The following PRMT8 variants were observed in gnomAD, a reference collection of about 807,000 sequenced individuals.
The protein encoded by PRMT8 is protein arginine N-methyltransferase 8.
A neutral mutation model predicts 47.1 loss-of-function variants in PRMT8; 7 were observed. That is an observed-to-expected ratio of 0.15 (90% CI 0.08 to 0.28). PRMT8 has a LOEUF of 0.28. PRMT8 is among the 10% of genes least tolerant of loss of function. The pLI is 1.00. For missense variants in PRMT8, 237 were observed against 505.4 expected (o/e 0.47, Z 5.09); for synonymous variants, 188 against 186.5 (o/e 1.01, Z -0.07).
At chr12:3,408,424 A>T (rs1311880681) in intron 1 of PRMT8, among the ~76,000 whole-genome samples, 1 of 152,082 alleles carries the variant, frequency 6.6e-6, no homozygotes, top group Non-Finnish European at 1.5e-5. Context: ...TTTTGTAGAA[A>T]TGAGACTTCC....
At chr12:3,396,943 C>T (rs1473934877) in intron 1 of PRMT8, among the ~76,000 whole-genome samples, 1 of 152,016 alleles carries the variant, frequency 6.6e-6, no homozygotes, top group Non-Finnish European at 1.5e-5. Context: ...AACTTCCCTT[C>T]TCACTTCATT....
At chr12:3,523,795 T>G (rs1240430654) in intron 1 of PRMT8, among the ~76,000 whole-genome samples, 11 of 152,216 alleles carry the variant, frequency 7.2e-5, no homozygotes, top group African/African-American at 2.7e-4. Context: ...CTATCATTGC[T>G]CTTTCCTGCC....
At chr12:3,411,686 G>T (rs1401542799) in intron 1 of PRMT8, among the ~76,000 whole-genome samples, 1 of 152,156 alleles carries the variant, frequency 6.6e-6, no homozygotes, top group Admixed American at 6.5e-5. Flanking sequence ...ATTAGATAAG[G>T]TCATCTTATC....
rs770193828 is a variant in PRMT8, at chr12:3,436,008, G to A, written c.48+54566G>A. On this transcript the variant is annotated intron_variant, in intron 1 of 9. Transcript: ENST00000452611. The surrounding 1 kb of genome is among the most constrained non-coding windows in gnomAD (Gnocchi z 4.2). ...TCCAATTTATTCCTCCTCAGGAGGG[G>A]TGATTTTAGCGGGCAAGGGGAGATG... 2.6e-5 allele frequency among the ~76,000 whole-genome samples: 4 copies of A among 152,214 alleles called. No individual in the cohort carries two copies. The highest frequency in any genetic ancestry group is 7.2e-5 in the African/African-American group (3 of 41,450).
chr12:3,590,489 T>C (rs765754397), intron 8 of PRMT8, among the ~76,000 whole-genome samples: 2 of 152,088 alleles, frequency 1.3e-5, no homozygotes, highest in Non-Finnish European at 2.9e-5. Flanking sequence ...AAATCTGCCT[T>C]CTAATCATGC....
At chr12:3,465,458 A>G (rs1222247730) in intron 1 of PRMT8, among the ~76,000 whole-genome samples, 1 of 151,854 alleles carries the variant, frequency 6.6e-6, no homozygotes, top group East Asian at 1.9e-4. Flanking sequence ...TTTTCTGGGA[A>G]CTTTTGTTTG....
chr12:3,457,274 T>C (rs891008404), intron 1 of PRMT8, among the ~76,000 whole-genome samples: 1 of 152,306 alleles, frequency 6.6e-6, no homozygotes, highest in Non-Finnish European at 1.5e-5. Flanking sequence ...TCTCAACTGC[T>C]GTTCTGGGAG....
chr12:3,477,106 G>T (rs768294773), intron 1 of PRMT8, among the ~76,000 whole-genome samples: 9 of 152,224 alleles, frequency 5.9e-5, no homozygotes, highest in Non-Finnish European at 1.3e-4. Context: ...CTGGGGGGCT[G>T]CAGACCAACT....
At position 3,492,503 on chromosome 12, in the gene PRMT8, C is replaced by T. The variant is rs908068345; in HGVS notation, c.75+803C>T. ...GTCCCGCAAGGGCTTTTGAGGAGGT[C>T]GCTCTAGCTCCGCAAATTGTGTTCT... is the stretch of plus-strand genomic sequence containing the variant. On this transcript the variant is annotated intron_variant, in intron 1 of 9. Coordinates refer to ENST00000382622, the MANE Select transcript of PRMT8 (RefSeq NM_019854.5). This position sits in a 1 kb window ranked among gnomAD's most constrained non-coding sequence, Gnocchi z 7.5. Among the ~76,000 whole-genome samples the T allele has an allele frequency of 5.3e-5, 8 of 152,190 alleles. No individual in the cohort carries two copies. The highest frequency in any genetic ancestry group is 1.9e-4 in the African/African-American group (8 of 41,446).
At chr12:3,569,000 A>AACAGACATCCGTTCTCTCTTG in intron 5 of PRMT8, 152 bp downstream of exon 5, 1 of 1,092,476 alleles carries the variant, frequency 9.2e-7, no homozygotes, top group Non-Finnish European at 1.3e-6. Context: ...GCAGATCTGT[A>AACAGACATCCGTTCTCTCTTG]TCAGGGAACA....
intron 1 of PRMT8, among the ~76,000 whole-genome samples, chr12:3,452,121 A>G (rs948957202): frequency 1.3e-5 from 2 of 152,188 alleles, no homozygotes; most frequent in African/African-American, 4.8e-5. Flanking sequence ...GACCACAAAG[A>G]TGGACACACA....
chr12:3,527,824 G>A (rs112925180), intron 1 of PRMT8, among the ~76,000 whole-genome samples: 68 of 152,160 alleles, frequency 4.5e-4, no homozygotes, highest in African/African-American at 1.1e-3. Context: ...TGTAGTATGC[G>A]CCTGTGAATG....
At chr12:3,460,530 T>C (rs1444856065) in intron 1 of PRMT8, among the ~76,000 whole-genome samples, 2 of 152,272 alleles carry the variant, frequency 1.3e-5, no homozygotes, top group Admixed American at 6.5e-5. Flanking sequence ...ATGATGAAGT[T>C]GGAGGTTTGC....
intron 1 of PRMT8, among the ~76,000 whole-genome samples, chr12:3,532,290 T>G (rs1410295582): frequency 6.7e-6 from 1 of 148,612 alleles, no homozygotes; most frequent in East Asian, 1.9e-4. Context: ...TATACTATAA[T>G]AAAATCATTT....
At chr12:3,470,354 T>G (rs1422070936) in intron 1 of PRMT8, among the ~76,000 whole-genome samples, 1 of 152,180 alleles carries the variant, frequency 6.6e-6, no homozygotes. Context: ...GGACTCAATG[T>G]GCTCTTACAC....
intron 8 of PRMT8, among the ~76,000 whole-genome samples, chr12:3,587,283 A>G (rs949857186): frequency 5.3e-5 from 8 of 149,786 alleles, no homozygotes; most frequent in Admixed American, 1.3e-4. Context: ...GAATGTAAAT[A>G]GTAACTAGAA....
intron 1 of PRMT8, among the ~76,000 whole-genome samples, chr12:3,462,484 G>C (rs1865052640): frequency 6.6e-6 from 1 of 151,998 alleles, no homozygotes; most frequent in Admixed American, 6.5e-5. Flanking sequence ...AGTGTCCAGT[G>C]TGGCATTATT....
intron 1 of PRMT8, among the ~76,000 whole-genome samples, chr12:3,478,242 T>C (rs1463569331): frequency 6.6e-6 from 1 of 151,936 alleles, no homozygotes; most frequent in African/African-American, 2.4e-5. Context: ...CATATATTTA[T>C]ATCTATTGAT....
intron 8 of PRMT8, among the ~76,000 whole-genome samples, chr12:3,589,464 CT>C (rs1204555891): frequency 2.0e-5 from 3 of 152,190 alleles, no homozygotes; most frequent in Non-Finnish European, 2.9e-5. Context: ...CCCACTCTAC[CT>C]TCCCAAAGGA....
Sources: gnomAD v4.1 joint callset for allele counts (sites outside exome capture counted in the v4.1 genomes callset) on GRCh38, gnomAD v4.1.1 for gene constraint, Gnocchi (gnomAD v3.1) non-coding constraint, MANE v1.5 for transcripts, NCBI Gene and HGNC (gene_info 2026-07-23, HGNC 2026-07-21) for gene names.